PLCH2: variants seen among roughly 807,000 people sequenced by gnomAD.
PLCH2 encodes the protein phospholipase C eta 2, also known as 1-phosphatidylinositol 4,5-bisphosphate phosphodiesterase eta-2.
In PLCH2, 98 loss-of-function variants were observed where a neutral mutation model predicts 134.7. That is an observed-to-expected ratio of 0.73 (90% CI 0.62 to 0.86). PLCH2 has a LOEUF of 0.86. Among genes scored for constraint, PLCH2 ranks in the 40% least tolerant of loss-of-function variants. The probability of loss-of-function intolerance (pLI) is 0.00; values close to 1 mark genes in which losing one functional copy is unlikely to be tolerated. For synonymous variants in PLCH2, 974 were observed against 827.5 expected (o/e 1.18, Z -3.04); for missense variants, 1,994 against 1,986.6 (o/e 1.00, Z -0.07).
chr1:2,494,921 C>T lies in PLCH2; in HGVS notation c.1725C>T (p.Leu575=), dbSNP rs919382336. 70 of 1,600,690 alleles carry T rather than the reference C, an allele frequency of 4.4e-5. No individual in the cohort carries two copies. Among genetic ancestry groups the T allele is most frequent in the Middle Eastern group, 1.6e-4 (1 of 6,068 alleles). ...GGGCCAGCAGACGCAATGGCCGCCT[C>T]GTCGTGGGAAGCTTCTCCAGGCGCA... ...DAGASRRNGR[L]VVGSFSRRKK... Residue 575 remains leucine, a synonymous_variant, in exon 12 of 22, where the codon CTC becomes CTT. Transcript: ENST00000378486.
In PLCH2 at chr1:2,494,871, G is replaced by T; in HGVS notation, c.1675G>T (p.Asp559Tyr). ...CTGGACTCAGAGCAAGGCTGAAGAGGACGTGGAGTCTGGGGAGGATGCCGG... is the reference window on the plus strand; with the variant it reads ...CTGGACTCAGAGCAAGGCTGAAGAGTACGTGGAGTCTGGGGAGGATGCCGG... Reference protein sequence around the residue: ...KLGRKSKAEEDVESGEDAGAS... With the variant: ...KLGRKSKAEEYVESGEDAGAS... The change falls in exon 12 of 22, where the codon GAC becomes TAC. Residue 559 changes from aspartate to tyrosine, a missense_variant. Asp to Tyr is a radical substitution (Grantham distance 160). Around this residue, in one of 2 missense-constraint regions of PLCH2, gnomAD observed 1,094 missense variants for 1,234.3 expected, o/e 0.89. Transcript: ENST00000378486. The T allele has an allele frequency of 6.2e-7, 1 of 1,606,218 alleles. No homozygotes were observed.
At chr1:2,480,050 G>A (rs1641876681) in intron 3 of PLCH2, 73 bp downstream of exon 3, 2 of 1,581,032 alleles carry the variant, frequency 1.3e-6, no homozygotes, top group East Asian at 2.3e-5. Flanking sequence ...GGGGGGGCCT[G>A]TCCTTTGCCG....
chr1:2,422,827 G>A (rs960531152), upstream of PLCH2, among the ~76,000 whole-genome samples: 4 of 152,182 alleles, frequency 2.6e-5, no homozygotes, highest in Non-Finnish European at 5.9e-5. Context: ...ACAGGCATGA[G>A]CCGCTGTACC....
intron 5 of PLCH2, among the ~76,000 whole-genome samples, 163 bp downstream of exon 5, chr1:2,484,781 G>A (rs1328117009): frequency 6.6e-6 from 1 of 152,196 alleles, no homozygotes; most frequent in African/African-American, 2.4e-5. Context: ...CTGAGATGGA[G>A]AGATTAGGGT....
At chr1:2,488,196 G>A (rs936151198) in intron 8 of PLCH2, among the ~76,000 whole-genome samples, 3 of 152,236 alleles carry the variant, frequency 2.0e-5, no homozygotes, top group Non-Finnish European at 4.4e-5. Context: ...GAAGAGAGAA[G>A]AAGCAAGATT....
Position 2,497,482 on chromosome 1 carries a change from GCCTTGTGTCA to G in PLCH2, c.2117-17_2117-8del. ...GGAAGGTCAGGTGCTGACCAGGGCA[GCCTTGTGTCA>G]CCCTCGCAGTTGCCCTGAACTACCA... On this transcript the variant is annotated splice_polypyrimidine_tract_variant and intron_variant, in intron 15 of 21. Coordinates refer to ENST00000378486, the MANE Select transcript of PLCH2 (RefSeq NM_014638.4). The G allele has an allele frequency of 2.0e-6, 3 of 1,529,290 alleles. No individual in the cohort carries two copies. Among genetic ancestry groups the G allele is most frequent in the Non-Finnish European group, 2.7e-6 (3 of 1,128,718 alleles). The allele number at this position is 1,529,290 out of a possible 1,614,324, so 94.7% of individuals were successfully genotyped here.
intron 2 of PLCH2, among the ~76,000 whole-genome samples, chr1:2,461,395 G>A (rs1205471191): frequency 6.6e-6 from 1 of 152,186 alleles, no homozygotes; most frequent in East Asian, 1.9e-4. Flanking sequence ...AGGCATGTGG[G>A]CACCTGCTGT....
chr1:2,472,350 C>T (rs1641364452), upstream of PLCH2, among the ~76,000 whole-genome samples: 1 of 152,244 alleles, frequency 6.6e-6, no homozygotes, highest in South Asian at 2.1e-4. Context: ...TTCCTCCTCC[C>T]TCCCGTCCAC....
intron 1 of PLCH2, among the ~76,000 whole-genome samples, chr1:2,477,268 G>A (rs1641685427): frequency 6.6e-6 from 1 of 152,038 alleles, no homozygotes; most frequent in Non-Finnish European, 1.5e-5. Flanking sequence ...CCCGCCCCCT[G>A]CCCCTGTGTC....
chr1:2,503,682 C>T, intron 21 of PLCH2: 1 of 663,654 alleles, frequency 1.5e-6, no homozygotes, highest in Non-Finnish European at 2.8e-6. Flanking sequence ...GCTGTCCCAG[C>T]CCAAGGAGGG....
chr1:2,469,830 A>G (rs949290319), intron 1 of PLCH2, among the ~76,000 whole-genome samples: 12 of 152,218 alleles, frequency 7.9e-5, no homozygotes, highest in Non-Finnish European at 1.2e-4. Context: ...TCCCCAGGAC[A>G]GGACGTTTCC....
chr1:2,504,380 C>T lies in PLCH2; in HGVS notation c.3418C>T (p.Arg1140Ter), dbSNP rs1160729920. The change falls in exon 22 of 22, where the codon CGA becomes TGA. Residue 1140 changes from arginine (R) to a stop codon, truncating the protein, a stop_gained. Transcript: ENST00000378486. LOFTEE classifies it high-confidence loss of function. ...LWQRLEPCGHRDSVSSSSSMS... is the reference protein window; with the variant it reads ...LWQRLEPCGH ...GCAGCGGCTGGAGCCATGTGGCCAC[C>T]GAGACAGCGTTTCCTCCTCCTCCAG... The T allele has an allele frequency of 5.0e-6, 8 of 1,611,980 alleles. No homozygotes were observed. The highest frequency in any genetic ancestry group is 2.2e-5 in the East Asian group (1 of 44,866).
intron 5 of PLCH2, among the ~76,000 whole-genome samples, chr1:2,485,198 C>T (rs1642224140): frequency 6.6e-6 from 1 of 151,960 alleles, no homozygotes; most frequent in South Asian, 2.1e-4. Context: ...CCTGGCCATC[C>T]TTAGAGACCA....
intron 8 of PLCH2, among the ~76,000 whole-genome samples, chr1:2,488,142 G>A (rs1642380032): frequency 6.6e-6 from 1 of 152,252 alleles, no homozygotes; most frequent in South Asian, 2.1e-4. Context: ...TCAAGTCTTG[G>A]CTACATGAGG....
At chr1:2,432,396 T>C (rs1397154494) in intron 2 of PLCH2, among the ~76,000 whole-genome samples, 1 of 152,172 alleles carries the variant, frequency 6.6e-6, no homozygotes, top group African/African-American at 2.4e-5. Flanking sequence ...GCCAGCCCCC[T>C]GCCCTGCTGG....
At chr1:2,438,608 C>T (rs569637604) in intron 2 of PLCH2, among the ~76,000 whole-genome samples, 3 of 152,324 alleles carry the variant, frequency 2.0e-5, no homozygotes, top group Admixed American at 2.0e-4. Context: ...TCCACATCGT[C>T]TTTGCCGATT....
intron 2 of PLCH2, among the ~76,000 whole-genome samples, chr1:2,432,602 C>T (rs541942546): frequency 6.6e-6 from 1 of 152,328 alleles, no homozygotes; most frequent in South Asian, 2.1e-4. Context: ...CCGGCCCCCA[C>T]ACTCAGCGCC....
chr1:2,453,606 C>G (rs533377294), intron 2 of PLCH2, among the ~76,000 whole-genome samples: 22 of 152,312 alleles, frequency 1.4e-4, no homozygotes, highest in South Asian at 8.3e-4. Context: ...GGGCCACCCC[C>G]CTCTGGCAGG....
At chr1:2,416,188 G>A in the PLCH2 span, among the ~76,000 whole-genome samples, 1 of 152,206 alleles carries the variant, frequency 6.6e-6, no homozygotes, top group Non-Finnish European at 1.5e-5. Flanking sequence ...TCAGGACCCC[G>A]AGGAGGGCAG....
Sources: gnomAD v4.1 joint callset for allele counts (sites outside exome capture counted in the v4.1 genomes callset) on GRCh38, gnomAD v4.1.1 for gene constraint, gnomAD v4.1.1 regional missense constraint, MANE v1.5 for transcripts, NCBI Gene and HGNC (gene_info 2026-07-23, HGNC 2026-07-21) for gene names.